Variants in TCERG1 observed in about 807,000 individuals in gnomAD.
The protein encoded by TCERG1 is TATA box binding protein (TBP)-associated factor, RNA polymerase II, S, 150kD.
Under a neutral mutation model 144.7 loss-of-function variants are expected in TCERG1, and 37 were observed. That is an observed-to-expected ratio of 0.26 (90% confidence interval 0.20 to 0.34). The LOEUF (loss-of-function observed/expected upper bound fraction) is 0.34, where lower values mean the gene tolerates loss of function less well. Ranked by LOEUF, TCERG1 falls within the 10% of genes least tolerant of loss-of-function variation. The pLI, the probability that TCERG1 is intolerant of heterozygous loss-of-function variation, is 1.00. For missense variants in TCERG1, 1,027 were observed against 1,380.7 expected (o/e 0.74, Z 4.06); for synonymous variants, 492 against 458.2 (o/e 1.07, Z -0.94).
At chr5:146,475,798 T>G (rs1214354221) in intron 9 of TCERG1, among the ~76,000 whole-genome samples, 2 of 152,210 alleles carry the variant, frequency 1.3e-5, no homozygotes, top group African/African-American at 2.4e-5. Context: ...TATAGAGAGA[T>G]ACTTCCCCTT....
chr5:146,466,692 A>G, intron 5 of TCERG1, among the ~76,000 whole-genome samples: 1 of 152,224 alleles, frequency 6.6e-6, no homozygotes, highest in East Asian at 1.9e-4. Context: ...GTATCTTTTT[A>G]GCATGAGAAG....
At position 146,507,766 on chromosome 5, in the gene TCERG1, C is replaced by T. The variant is rs1030298170; in HGVS notation, c.2962-107C>T. The T allele has an allele frequency of 1.5e-6, 1 of 663,262 alleles. No homozygotes were observed. The highest frequency in any genetic ancestry group is 3.1e-5 in the Admixed American group (1 of 31,784). The allele number at this position is 663,262 out of a possible 1,614,324, so 41.1% of individuals were successfully genotyped here. On this transcript the variant is annotated intron_variant, in intron 20 of 22. Transcript: ENST00000679501. The surrounding 1 kb of genome is among the most constrained non-coding windows in gnomAD (Gnocchi z 4.6). ...CTAGTCCAGTTACGCTTGGGCATTA[C>T]AAGAGATCGCAGGTCAGTGTGTAAT... is the stretch of plus-strand genomic sequence containing the variant.
At chr5:146,460,954 G>A (rs9791020) in intron 4 of TCERG1, among the ~76,000 whole-genome samples, 21,447 of 152,118 alleles carry the variant, frequency 0.14, 2,507 homozygotes, top group East Asian at 0.71. Flanking sequence ...GGTAGTAATG[G>A]GAGAAGGGGA....
chr5:146,466,782 T>G (rs1437559806), intron 5 of TCERG1, among the ~76,000 whole-genome samples: 1 of 152,174 alleles, frequency 6.6e-6, no homozygotes, highest in Non-Finnish European at 1.5e-5. Context: ...TTTTTAATAA[T>G]GGTGGTTAAG....
chr5:146,497,378 C>T (rs544757301), intron 16 of TCERG1, among the ~76,000 whole-genome samples: 1 of 152,244 alleles, frequency 6.6e-6, no homozygotes, highest in South Asian at 2.1e-4. Flanking sequence ...AACTCCTGGC[C>T]TCAAATGATC....
chr5:146,492,335 T>C (rs960576517), intron 15 of TCERG1, among the ~76,000 whole-genome samples: 2 of 152,184 alleles, frequency 1.3e-5, no homozygotes, highest in African/African-American at 4.8e-5. Context: ...TCCCATCAGC[T>C]TTGCAAGTTG....
chr5:146,477,565 C>T (rs188612646), intron 9 of TCERG1, among the ~76,000 whole-genome samples: 1 of 150,050 alleles, frequency 6.7e-6, no homozygotes, highest in African/African-American at 2.4e-5. Flanking sequence ...CTATACTATA[C>T]AGAGTCTGAA....
rs187295082 is a variant in TCERG1 at position 146,507,011 on chromosome 5, T to C, written c.2782-17T>C. 30 of 1,550,882 alleles carry C rather than the reference T, an allele frequency of 1.9e-5. No individual in the cohort carries two copies. In the Middle Eastern group the frequency reaches 5.3e-4, roughly 27 times the overall value. On this transcript the variant is annotated splice_polypyrimidine_tract_variant and intron_variant, in intron 19 of 22. Transcript: ENST00000679501. The surrounding 1 kb of genome is among the most constrained non-coding windows in gnomAD (Gnocchi z 4.6). ...ATAAGTCTCTTTGGTGATATATATA[T>C]AATTTTTTCTCTTCAGGTACGTTCT...
intron 21 of TCERG1, among the ~76,000 whole-genome samples, chr5:146,508,265 A>G (rs1768175535): frequency 1.3e-5 from 2 of 152,180 alleles, no homozygotes; most frequent in Non-Finnish European, 2.9e-5. Context: ...TAGGCTGGCA[A>G]TTGGTACCAA....
At chr5:146,501,020 GAAA>G (rs1767386067) in intron 17 of TCERG1, among the ~76,000 whole-genome samples, 1 of 139,972 alleles carries the variant, frequency 7.1e-6, no homozygotes, top group Non-Finnish European at 1.6e-5. Context: ...AAAAAAAAAA[GAAA>G]AAAAAGTCTA....
At position 146,482,692 on chromosome 5, in the gene TCERG1, A is replaced by T. The variant is rs779241491; in HGVS notation, c.2038A>T (p.Met680Leu). Residue 680 changes from methionine (M) to leucine (L), a missense_variant, in exon 14 of 23, where the codon ATG (methionine) becomes TTG (leucine). Met to Leu is a conservative substitution (Grantham distance 15, BLOSUM62 2). Around this residue, in one of 6 missense-constraint regions of TCERG1, gnomAD observed 482 missense variants for 632.6 expected, o/e 0.76. Coordinates refer to ENST00000679501, the MANE Select transcript of TCERG1 (RefSeq NM_001382548.1). ...ERAIVPLEAR[M>L]KQFKDMLLER... ...GGCCATTGTCCCTCTGGAGGCTCGA[A>T]TGAAGCAGTTCAAGGACATGCTGCT... 11 of 1,613,296 alleles carry T rather than the reference A, an allele frequency of 6.8e-6. No individual in the cohort carries two copies. Among genetic ancestry groups the T allele is most frequent in the Non-Finnish European group, 8.5e-6 (10 of 1,179,474 alleles).
Position 146,457,418 on chromosome 5 carries a change from T to C in TCERG1, c.438+83T>C, listed in dbSNP as rs923321066. ...AGTTCTGGCAGATTGAGGTCAGTGA[T>C]ACTGTCATTTAAGAATGAGCCCTGG... is the stretch of plus-strand genomic sequence containing the variant. On this transcript the variant is annotated intron_variant, in intron 3 of 22. Coordinates refer to ENST00000679501, the MANE Select transcript of TCERG1 (RefSeq NM_001382548.1). 3 of 1,311,208 alleles carry C rather than the reference T, an allele frequency of 2.3e-6. No individual in the cohort carries two copies. In the African/African-American group the frequency reaches 4.5e-5, roughly 20 times the overall value. The allele number at this position is 1,311,208 out of a possible 1,614,324, so 81.2% of individuals were successfully genotyped here. A position where few individuals can be genotyped will look rare whatever the true frequency, so the allele number is the denominator to read the frequency against.
At chr5:146,493,953 T>C (rs932433966) in intron 16 of TCERG1, among the ~76,000 whole-genome samples, 1 of 151,648 alleles carries the variant, frequency 6.6e-6, no homozygotes, top group Non-Finnish European at 1.5e-5. Context: ...ATTTTGTCTG[T>C]GGAGGTAGGA....
chr5:146,477,236 TTTTC>T (rs1764924455), intron 9 of TCERG1, among the ~76,000 whole-genome samples: 1 of 152,158 alleles, frequency 6.6e-6, no homozygotes, highest in Non-Finnish European at 1.5e-5. Flanking sequence ...TTAAGTGTGT[TTTTC>T]TTTATCTCAG....
intron 17 of TCERG1, among the ~76,000 whole-genome samples, chr5:146,501,855 A>G (rs769400335): frequency 2.7e-5 from 4 of 150,554 alleles, no homozygotes; most frequent in Non-Finnish European, 5.9e-5. Context: ...TTATAACCTT[A>G]AAAGTATTTT....
At chr5:146,492,622 C>T (rs549889685) in intron 15 of TCERG1, among the ~76,000 whole-genome samples, 58 of 152,130 alleles carry the variant, frequency 3.8e-4, no homozygotes, top group South Asian at 1.2e-3. Context: ...ATTTCTCTTC[C>T]GCATTTCTAA....
intron 1 of TCERG1, among the ~76,000 whole-genome samples, chr5:146,449,223 G>A (rs1177357557): frequency 3.9e-5 from 6 of 152,166 alleles, no homozygotes; most frequent in Admixed American, 2.6e-4. Flanking sequence ...GAGATGTTCT[G>A]TAGTTATGTT....
intron 14 of TCERG1, among the ~76,000 whole-genome samples, chr5:146,483,248 C>A (rs1765521710): frequency 6.6e-6 from 1 of 152,200 alleles, no homozygotes; most frequent in Non-Finnish European, 1.5e-5. Flanking sequence ...AAATATAAAT[C>A]TTCAAGGCTT....
At chr5:146,485,101 C>T (rs953184151) in intron 15 of TCERG1, among the ~76,000 whole-genome samples, 1 of 152,100 alleles carries the variant, frequency 6.6e-6, no homozygotes, top group Non-Finnish European at 1.5e-5. Flanking sequence ...CCCCTGTATA[C>T]CTCTTGATGG....
Sources: gnomAD v4.1 joint callset for allele counts (sites outside exome capture counted in the v4.1 genomes callset) on GRCh38, gnomAD v4.1.1 for gene constraint, gnomAD v4.1.1 regional missense constraint, Gnocchi (gnomAD v3.1) non-coding constraint, MANE v1.5 for transcripts, NCBI Gene and HGNC (gene_info 2026-07-23, HGNC 2026-07-21) for gene names.